The following CEP76 variants were observed in gnomAD, a reference collection of about 807,000 sequenced individuals.
CEP76 encodes the protein centrosomal protein of 76 kDa.
CEP76 carries 55 observed loss-of-function variants against 83.3 expected under a neutral mutation model. The ratio of observed to expected loss-of-function variants is 0.66; its 90% confidence interval spans 0.53 to 0.83. The LOEUF (loss-of-function observed/expected upper bound fraction) is 0.83, where lower values mean the gene tolerates loss of function less well. Ranked by LOEUF, CEP76 falls within the 40% of genes least tolerant of loss-of-function variation. The pLI, the probability that CEP76 is intolerant of heterozygous loss-of-function variation, is 0.00. For missense variants in CEP76, 694 were observed against 799.5 expected (o/e 0.87, Z 1.59); for synonymous variants, 270 against 274.5 (o/e 0.98, Z 0.16).
At chr18:12,666,750 A>C (rs8083217) in intron 12 of CEP76, among the ~76,000 whole-genome samples, 55,454 of 145,588 alleles carry the variant, frequency 0.38, 10,646 homozygotes, top group Non-Finnish European at 0.45. Context: ...CACCCGGCCA[A>C]AAAAAAAAAA....
intron 8 of CEP76, among the ~76,000 whole-genome samples, chr18:12,684,032 TA>T: frequency 6.6e-6 from 1 of 150,848 alleles, no homozygotes; most frequent in African/African-American, 2.4e-5. Context: ...TATATATATG[TA>T]TTTTTTTTTG....
downstream of CEP76, among the ~76,000 whole-genome samples, chr18:12,668,733 CCTTT>C (rs1420847227): frequency 8.0e-6 from 1 of 124,642 alleles, no homozygotes; most frequent in Non-Finnish European, 1.7e-5. Flanking sequence ...ACACTTTATT[CCTTT>C]TTTTTTTTTT....
chr18:12,662,776 C>CA (rs1018478813), intron 12 of CEP76, among the ~76,000 whole-genome samples: 5 of 151,028 alleles, frequency 3.3e-5, no homozygotes, highest in African/African-American at 7.3e-5. Context: ...GACCTTGTCT[C>CA]AAAAAAAAGA....
At chr18:12,670,986 C>CAT (rs1448566047), downstream of CEP76, 1 of 152,074 alleles carries the variant, frequency 6.6e-6, no homozygotes, top group African/African-American at 2.4e-5. Flanking sequence ...TTTCTACAGT[C>CAT]ATGTCAGTCT....
At position 12,686,310 on chromosome 18, in the gene CEP76, A is replaced by C; in HGVS notation, c.1074T>G (p.Gly358=). 6.2e-7 allele frequency: 1 copy of C among 1,614,024 alleles called. No individual in the cohort carries two copies. The highest frequency in any genetic ancestry group is 2.2e-5 in the East Asian group (1 of 44,872). Residue 358 remains glycine, a synonymous_variant, in exon 8 of 12, where the codon GGT becomes GGG. Coordinates refer to ENST00000262127, the MANE Select transcript of CEP76 (RefSeq NM_024899.4). ...GCAGAGTGCACCACTGCTCCTGTTTACCTCCTCCTCCAATAACAGGGGCTC... is the reference window on the plus strand; with the variant it reads ...GCAGAGTGCACCACTGCTCCTGTTTCCCTCCTCCTCCAATAACAGGGGCTC... ...YERAPVIGGG[G]KQEQWCTLLA...
At chr18:12,662,102 A>G (rs1423266855) in exon 13 of CEP76, 1 of 434,502 alleles carries the variant, frequency 2.3e-6, no homozygotes, top group Non-Finnish European at 4.6e-6. Flanking sequence ...TTCAGGGAGC[A>G]CCATCACTGT....
intron 10 of CEP76, among the ~76,000 whole-genome samples, chr18:12,676,079 TCA>T (rs2039119798): frequency 6.6e-6 from 1 of 152,140 alleles, no homozygotes; most frequent in African/African-American, 2.4e-5. Flanking sequence ...ATTTTGATTA[TCA>T]TAATGGATCT....
Position 12,697,252 on chromosome 18 carries a change from G to A in CEP76, c.677C>T (p.Thr226Ile), listed in dbSNP as rs1293588876. 4 of 1,613,318 alleles carry A rather than the reference G, an allele frequency of 2.5e-6. No individual in the cohort carries two copies. Among genetic ancestry groups the A allele is most frequent in the African/African-American group, 1.3e-5 (1 of 74,824 alleles). ...ACCCATAAGTTCCACAGTCAGACTG[G>A]TCACTCCATTTTCTGAGCCCAAAAC... is the stretch of plus-strand genomic sequence containing the variant. Reference protein sequence around the residue: ...RSVLGSENGVTSLTVELMGVG... With the variant: ...RSVLGSENGVISLTVELMGVG... The change falls in exon 5 of 12, where the codon ACC (threonine) becomes ATC (isoleucine). Residue 226 changes from threonine to isoleucine, a missense_variant. Physicochemically the swap from Thr to Ile is moderately conservative, Grantham distance 89. Transcript: ENST00000262127.
At chr18:12,673,583 A>T in intron 11 of CEP76, 80 bp from the exon 12 acceptor site, 2 of 1,250,596 alleles carry the variant, frequency 1.6e-6, no homozygotes, top group South Asian at 1.4e-5. Flanking sequence ...ATCAGTATTT[A>T]AAATAATTTT....
intron 7 of CEP76, among the ~76,000 whole-genome samples, chr18:12,690,580 C>T (rs372096218): frequency 1.3e-4 from 20 of 151,966 alleles, no homozygotes; most frequent in African/African-American, 4.3e-4. Flanking sequence ...CTCAGCCTCC[C>T]GAGTAGCTGC....
intron 8 of CEP76, chr18:12,686,037 G>T: frequency 2.6e-6 from 1 of 389,038 alleles, no homozygotes; most frequent in Non-Finnish European, 4.6e-6. Context: ...CTACATAAAC[G>T]TTGTTACACA....
At chr18:12,664,648 G>C (rs1358357117) in intron 12 of CEP76, among the ~76,000 whole-genome samples, 1 of 151,704 alleles carries the variant, frequency 6.6e-6, no homozygotes, top group Non-Finnish European at 1.5e-5. Flanking sequence ...GCCTCCCAAA[G>C]TGCTGGGATT....
rs1210184710 is a variant in CEP76, at chr18:12,680,838, A to G, written c.1123-10T>C. On this transcript the variant is annotated splice_polypyrimidine_tract_variant and intron_variant, in intron 8 of 11. Transcript: ENST00000262127. ...GATCTTCACAGTCACCCTGGAAGAT[A>G]AATTAAAATGAAGTATTCATTCTTC... is the stretch of plus-strand genomic sequence containing the variant. The G allele has an allele frequency of 1.3e-6, 2 of 1,597,986 alleles. No homozygotes were observed. The highest frequency in any genetic ancestry group is 1.7e-6 in the Non-Finnish European group (2 of 1,173,430).
intron 1 of CEP76, 51 bp downstream of exon 1, chr18:12,702,435 G>T: frequency 7.0e-7 from 1 of 1,423,270 alleles, no homozygotes. Context: ...GGGCAGGAGG[G>T]AAAGGTTATG....
intron 12 of CEP76, chr18:12,665,246 C>T (rs1200097514): frequency 5.3e-5 from 8 of 152,004 alleles, no homozygotes. Flanking sequence ...TTAAGTTTTG[C>T]CTTAGTAATT....
At chr18:12,675,065 A>G (rs969785988) in intron 10 of CEP76, among the ~76,000 whole-genome samples, 4 of 136,254 alleles carry the variant, frequency 2.9e-5, no homozygotes, top group African/African-American at 8.0e-5. Context: ...TATGGAGGAC[A>G]GGTATAATTC....
upstream of CEP76, chr18:12,702,767 G>T: frequency 1.7e-6 from 1 of 583,944 alleles, no homozygotes; most frequent in South Asian, 2.1e-5. Flanking sequence ...AAACAGTGGC[G>T]GACAAACAGG....
At chr18:12,694,419 T>C (rs2039876739) in intron 6 of CEP76, among the ~76,000 whole-genome samples, 1 of 152,022 alleles carries the variant, frequency 6.6e-6, no homozygotes, top group Non-Finnish European at 1.5e-5. Context: ...AACTAAAGAC[T>C]GGCAAGAACT....
chr18:12,688,279 G>A (rs78908311), intron 7 of CEP76, among the ~76,000 whole-genome samples: 11,283 of 148,164 alleles, frequency 0.076, 594 homozygotes, highest in Middle Eastern at 0.16. Flanking sequence ...TTCAATTTCT[G>A]TAACTTATTT....
Sources: allele counts gnomAD v4.1 joint callset (sites outside exome capture counted in the v4.1 genomes callset), GRCh38; gene constraint gnomAD v4.1.1; transcripts MANE v1.5; gene names NCBI Gene and HGNC (gene_info 2026-07-23, HGNC 2026-07-21).